UGT8: variants seen among roughly 807,000 people sequenced by gnomAD.
The protein encoded by UGT8 is 2-hydroxyacylsphingosine 1-beta-galactosyltransferase.
In UGT8, 12 loss-of-function variants were observed where a neutral mutation model predicts 40.5. That is an observed-to-expected ratio of 0.30 (90% CI 0.19 to 0.48). The LOEUF (loss-of-function observed/expected upper bound fraction) is 0.48, where lower values mean the gene tolerates loss of function less well. Ranked by LOEUF, UGT8 falls within the 20% of genes least tolerant of loss-of-function variation. The pLI is 0.99. For synonymous variants in UGT8, 224 were observed against 240.4 expected, an observed-to-expected ratio of 0.93 and a Z score of 0.63; for missense variants, 513 against 648.7, an observed-to-expected ratio of 0.79 and a Z score of 2.27.
chr4:114,675,965 G>A lies in UGT8; in HGVS notation c.1303G>A (p.Asp435Asn). The change falls in exon 6 of 6, where the codon GAT (aspartate) becomes AAT (asparagine). Residue 435 changes from aspartate (D) to asparagine (N), a missense_variant. Coordinates refer to ENST00000310836, the MANE Select transcript of UGT8 (RefSeq NM_001128174.3). ...TCAGAAGCTTTCGGAAATTCACAAG[G>A]ATCAACCTGGTCACCCTGTCAATCG... is the stretch of plus-strand genomic sequence containing the variant. ...RAQKLSEIHK[D>N]QPGHPVNRTI... The A allele has an allele frequency of 6.2e-7, 1 of 1,614,040 alleles. No individual in the cohort carries two copies. The highest frequency in any genetic ancestry group is 8.5e-7 in the Non-Finnish European group (1 of 1,179,990).
chr4:114,621,440 G>T (rs1731784167), intron 1 of UGT8, among the ~76,000 whole-genome samples: 1 of 152,162 alleles, frequency 6.6e-6, no homozygotes, highest in South Asian at 2.1e-4. Context: ...ATATGTTAAA[G>T]ATCATTTTTC....
At chr4:114,620,826 G>T (rs973028511) in intron 1 of UGT8, among the ~76,000 whole-genome samples, 1 of 152,108 alleles carries the variant, frequency 6.6e-6, no homozygotes, top group Non-Finnish European at 1.5e-5. Context: ...TGTTTAGAAG[G>T]TATAGTTGTT....
At chr4:114,604,978 A>G (rs1222155233) in intron 1 of UGT8, among the ~76,000 whole-genome samples, 1 of 152,046 alleles carries the variant, frequency 6.6e-6, no homozygotes, top group Non-Finnish European at 1.5e-5. Context: ...AAGCATAGTA[A>G]TCTAAGCAGG....
intron 2 of UGT8, 29 bp downstream of exon 2, chr4:114,623,731 C>A: frequency 6.4e-7 from 1 of 1,551,580 alleles, no homozygotes; most frequent in Non-Finnish European, 8.7e-7. Flanking sequence ...CTTGGTAATT[C>A]TTTTTTAATG....
upstream of UGT8, chr4:114,598,694 GGGCGCGGCTGGGGGGC>G (rs869085601): frequency 0.044 from 5,017 of 114,088 alleles, 129 homozygotes; most frequent in Middle Eastern, 0.073. Context: ...ACGCAGGGCG[GGGCGCGGCTGGGGGGC>G]GGGGGGCCTG....
chr4:114,664,938 C>T (rs1273617928), intron 3 of UGT8, among the ~76,000 whole-genome samples: 1 of 152,204 alleles, frequency 6.6e-6, no homozygotes, highest in African/African-American at 2.4e-5. Flanking sequence ...TTAGCTCCCA[C>T]TTCTCCTGGC....
At chr4:114,644,355 C>T (rs889148180) in intron 2 of UGT8, among the ~76,000 whole-genome samples, 1 of 152,110 alleles carries the variant, frequency 6.6e-6, no homozygotes, top group Admixed American at 6.6e-5. Flanking sequence ...CATTGGTATC[C>T]TTCTCATTTT....
intron 2 of UGT8, among the ~76,000 whole-genome samples, chr4:114,642,779 G>C (rs1033244635): frequency 1.1e-4 from 17 of 152,080 alleles, no homozygotes; most frequent in African/African-American, 3.9e-4. Flanking sequence ...GCCCTTAAGG[G>C]GAAAGTGATA....
intron 2 of UGT8, among the ~76,000 whole-genome samples, chr4:114,636,501 C>T (rs1423480468): frequency 6.6e-6 from 1 of 152,122 alleles, no homozygotes; most frequent in African/African-American, 2.4e-5. Context: ...ATTAGTGTTT[C>T]ATTATAAGCA....
chr4:114,647,049 A>G (rs1733614562), intron 2 of UGT8, among the ~76,000 whole-genome samples: 1 of 152,214 alleles, frequency 6.6e-6, no homozygotes, highest in Non-Finnish European at 1.5e-5. Flanking sequence ...AGAAGTATAC[A>G]CAACTAGAAA....
At chr4:114,658,001 A>C (rs1334645323) in intron 2 of UGT8, among the ~76,000 whole-genome samples, 1 of 152,118 alleles carries the variant, frequency 6.6e-6, no homozygotes, top group African/African-American at 2.4e-5. Context: ...TTTTATTTTG[A>C]ATGGTGACCT....
intron 1 of UGT8, among the ~76,000 whole-genome samples, chr4:114,608,754 AG>A (rs1236226972): frequency 6.6e-6 from 1 of 152,218 alleles, no homozygotes; most frequent in Non-Finnish European, 1.5e-5. Context: ...TGCTAATAAA[AG>A]AAAATAATCA....
intron 5 of UGT8, among the ~76,000 whole-genome samples, chr4:114,674,767 A>G (rs1353143998): frequency 2.0e-5 from 3 of 152,220 alleles, no homozygotes; most frequent in Admixed American, 6.5e-5. Flanking sequence ...TTGTTCCTCT[A>G]TAATGCACAA....
At chr4:114,621,182 A>T (rs1190401138) in intron 1 of UGT8, among the ~76,000 whole-genome samples, 3 of 152,190 alleles carry the variant, frequency 2.0e-5, no homozygotes, top group African/African-American at 7.2e-5. Context: ...CTGGCCCTCA[A>T]GTGTACAGGC....
chr4:114,628,825 T>C, intron 2 of UGT8, among the ~76,000 whole-genome samples: 1 of 88,484 alleles, frequency 1.1e-5, no homozygotes, highest in Non-Finnish European at 2.8e-5. Flanking sequence ...TGTCATTTTG[T>C]TATTTGCTGG....
At chr4:114,608,969 C>A (rs770475844) in intron 1 of UGT8, among the ~76,000 whole-genome samples, 1 of 152,194 alleles carries the variant, frequency 6.6e-6, no homozygotes, top group Non-Finnish European at 1.5e-5. Flanking sequence ...AGGAATAATT[C>A]TTTTTTCCAT....
rs974768397 is a variant in UGT8 at position 114,677,575 on chromosome 4, T to C, written c.*1287T>C. ...TAGCTGACATGGAGCAGTGACAGTATTCATTTGAGAACAGGGATGCAAGTC... is the reference window on the plus strand; with the variant it reads ...TAGCTGACATGGAGCAGTGACAGTACTCATTTGAGAACAGGGATGCAAGTC... On this transcript the variant is annotated 3_prime_UTR_variant, in exon 6 of 6. Transcript: ENST00000310836. 2.6e-5 allele frequency: 4 copies of C among 152,348 alleles called. No individual in the cohort carries two copies. The highest frequency in any genetic ancestry group is 7.2e-5 in the African/African-American group (3 of 41,578). 9.4% of individuals were successfully genotyped at this position (152,348 alleles called of 1,614,324 possible). A position where few individuals can be genotyped will look rare whatever the true frequency, so the allele number is the denominator to read the frequency against.
intron 5 of UGT8, among the ~76,000 whole-genome samples, chr4:114,672,732 A>G (rs1735379712): frequency 6.6e-6 from 1 of 152,214 alleles, no homozygotes; most frequent in Non-Finnish European, 1.5e-5. Context: ...ACCATGGCAC[A>G]TGTATACCTA....
chr4:114,641,968 A>G (rs1023623296), intron 2 of UGT8, among the ~76,000 whole-genome samples: 10 of 152,172 alleles, frequency 6.6e-5, no homozygotes, highest in African/African-American at 2.4e-4. Flanking sequence ...ATGACATGCA[A>G]TAGTTTATAA....
Sources: gnomAD v4.1 joint callset for allele counts (sites outside exome capture counted in the v4.1 genomes callset) on GRCh38, gnomAD v4.1.1 for gene constraint, MANE v1.5 for transcripts, NCBI Gene and HGNC (gene_info 2026-07-23, HGNC 2026-07-21) for gene names.